PTPRT: variants seen among roughly 807,000 people sequenced by gnomAD.
The protein encoded by PTPRT is receptor-type tyrosine-protein phosphatase T.
Under a neutral mutation model 176.8 loss-of-function variants are expected in PTPRT, and 56 were observed. That is an observed-to-expected ratio of 0.32 (90% CI 0.26 to 0.40). The LOEUF (loss-of-function observed/expected upper bound fraction) is 0.40. PTPRT is among the 10% of genes least tolerant of loss of function. The pLI is 1.00. For synonymous variants in PTPRT, 783 were observed against 739.0 expected, an observed-to-expected ratio of 1.06 and a Z score of -0.96; for missense variants, 1,540 against 1,908.2, an observed-to-expected ratio of 0.81 and a Z score of 3.60.
At chr20:42,714,811 C>T (rs2076198985) in intron 6 of PTPRT, among the ~76,000 whole-genome samples, 3 of 152,176 alleles carry the variant, frequency 2.0e-5, no homozygotes. Context: ...GGGCTGCTGA[C>T]TCATCTGGAA....
chr20:42,186,468 T>G lies in PTPRT; in HGVS notation c.2491+12772A>C, dbSNP rs147486793. ...ATTGCTCTGTCTAGCAATAGCACAG[T>G]CAAAGGTCCTGTGGTAGAAGGAGTG... On this transcript the variant is annotated intron_variant, in intron 16 of 30. Transcript: ENST00000373187. Among the ~76,000 whole-genome samples the G allele has an allele frequency of 4.3e-3, 647 of 151,456 alleles. 2 individuals are homozygous for G. The highest frequency in any genetic ancestry group is 6.7e-3 in the Non-Finnish European group (454 of 67,800).
intron 2 of PTPRT, among the ~76,000 whole-genome samples, chr20:42,835,781 A>AT (rs1332299838): frequency 3.3e-5 from 5 of 152,076 alleles, no homozygotes; most frequent in African/African-American, 1.2e-4. Context: ...TATCTTAATA[A>AT]TCAACAGGGA....
At chr20:42,228,656 G>C (rs1359937601) in intron 15 of PTPRT, among the ~76,000 whole-genome samples, 1 of 152,178 alleles carries the variant, frequency 6.6e-6, no homozygotes, top group African/African-American at 2.4e-5. Context: ...CTAACTTCTA[G>C]AGAATAGAAT....
chr20:42,928,187 C>T (rs1449479564), intron 1 of PTPRT, among the ~76,000 whole-genome samples: 1 of 152,220 alleles, frequency 6.6e-6, no homozygotes, highest in Non-Finnish European at 1.5e-5. Flanking sequence ...TGGTTCCCTG[C>T]CCCAAATTTA....
chr20:42,654,426 G>A (rs2075087228), intron 7 of PTPRT, among the ~76,000 whole-genome samples: 1 of 152,150 alleles, frequency 6.6e-6, no homozygotes, highest in Non-Finnish European at 1.5e-5. Context: ...CAAGGAAGTA[G>A]CAACTGGCCA....
chr20:42,902,437 G>A (rs1055026847), intron 1 of PTPRT, among the ~76,000 whole-genome samples: 4 of 152,178 alleles, frequency 2.6e-5, no homozygotes, highest in African/African-American at 9.7e-5. Flanking sequence ...CAGCTCAGGA[G>A]AGACAGAAGC....
intron 1 of PTPRT, among the ~76,000 whole-genome samples, chr20:43,168,783 C>T (rs139770271): frequency 2.0e-5 from 3 of 152,278 alleles, no homozygotes; most frequent in Non-Finnish European, 4.4e-5. Context: ...TTTCCTCCTA[C>T]ATGCTCATCC....
Position 42,883,993 on chromosome 20 carries a change from A to G in PTPRT, c.214+1814T>C, listed in dbSNP as rs373632981. Reference sequence around the variant, plus strand: ...CACACACACGCATACACACACGTATACACACTATAAGATCCAGATTTATTG... The same window carrying G: ...CACACACACGCATACACACACGTATGCACACTATAAGATCCAGATTTATTG... On this transcript the variant is annotated intron_variant, in intron 2 of 30. Coordinates refer to ENST00000373187, the MANE Select transcript of PTPRT (RefSeq NM_007050.6). Among the ~76,000 whole-genome samples, 10 of 127,734 alleles carry G rather than the reference A, an allele frequency of 7.8e-5. No homozygotes were observed. The South Asian group carries it at 2.8e-3, about 36-fold the overall frequency. 83.8% of individuals were successfully genotyped at this position (127,734 alleles called of 152,430 possible).
chr20:42,050,988 C>G, the PTPRT span, among the ~76,000 whole-genome samples: 1 of 152,224 alleles, frequency 6.6e-6, no homozygotes, highest in African/African-American at 2.4e-5. Context: ...TCAGTGCCAC[C>G]TGGTGAGAAC....
chr20:42,592,410 C>T (rs2073595984), intron 7 of PTPRT, among the ~76,000 whole-genome samples: 1 of 152,122 alleles, frequency 6.6e-6, no homozygotes, highest in South Asian at 2.1e-4. Flanking sequence ...GAACACATTA[C>T]CAAAGATGCA....
intron 2 of PTPRT, among the ~76,000 whole-genome samples, chr20:42,792,975 T>C (rs2077398896): frequency 1.3e-5 from 2 of 152,186 alleles, no homozygotes; most frequent in Admixed American, 6.5e-5. Context: ...AATTAGACTT[T>C]CTGCATGTTT....
intron 4 of PTPRT, among the ~76,000 whole-genome samples, chr20:42,776,128 C>A (rs1037795311): frequency 2.0e-5 from 3 of 152,132 alleles, no homozygotes; most frequent in Non-Finnish European, 4.4e-5. Context: ...ATCTCCGATG[C>A]CTGACTCTTA....
intron 7 of PTPRT, among the ~76,000 whole-genome samples, chr20:42,542,663 T>C (rs2072604636): frequency 6.6e-6 from 1 of 152,220 alleles, no homozygotes; most frequent in South Asian, 2.1e-4. Flanking sequence ...ATTCTACTTC[T>C]AAGAATTTTT....
chr20:42,477,679 T>C (rs2071314677), intron 7 of PTPRT, among the ~76,000 whole-genome samples: 1 of 152,176 alleles, frequency 6.6e-6, no homozygotes, highest in South Asian at 2.1e-4. Context: ...GAGCCTATGG[T>C]TTCTGCCTCC....
rs775327567 is a variant in PTPRT, at chr20:42,315,928, C to A, written c.1934G>T (p.Cys645Phe). The part of the protein sequence containing the change: ...KSRRAADIIE[C>F]FSVPVSYRNA... Reference sequence around the variant, plus strand: ...CCGATAGCTCACGGGCACCGAAAAGCACTCAATAATGTCAGCTGCCCTCCG... The same window carrying A: ...CCGATAGCTCACGGGCACCGAAAAGAACTCAATAATGTCAGCTGCCCTCCG... The change falls in exon 12 of 31, where the codon TGC (cysteine) becomes TTC (phenylalanine). Residue 645 changes from cysteine to phenylalanine, a missense_variant. Around this residue, in one of 11 missense-constraint regions of PTPRT, gnomAD observed 81 missense variants for 89.9 expected, o/e 0.90. Coordinates refer to ENST00000373187, the MANE Select transcript of PTPRT (RefSeq NM_007050.6). 1 of 1,614,154 alleles carries A rather than the reference C, an allele frequency of 6.2e-7. No homozygotes were observed. The highest frequency in any genetic ancestry group is 1.1e-5 in the South Asian group (1 of 91,078).
intron 3 of PTPRT, among the ~76,000 whole-genome samples, chr20:42,789,391 G>C (rs781159017): frequency 6.6e-6 from 1 of 152,160 alleles, no homozygotes; most frequent in Non-Finnish European, 1.5e-5. Context: ...GATTATACTA[G>C]CTTAGACAGT....
chr20:42,137,156 C>A (rs1005574918), intron 18 of PTPRT, among the ~76,000 whole-genome samples: 1 of 152,138 alleles, frequency 6.6e-6, no homozygotes, highest in Non-Finnish European at 1.5e-5. Context: ...GGCAGGGTAC[C>A]AATGGTTTCT....
chr20:42,259,218 A>G (rs545675016), intron 13 of PTPRT, among the ~76,000 whole-genome samples: 18 of 151,958 alleles, frequency 1.2e-4, no homozygotes, highest in Admixed American at 4.6e-4. Flanking sequence ...GTCAAATTCT[A>G]GTTCAGTCAT....
At chr20:43,094,391 CTTTTTTTTTT>C (rs71335878) in intron 1 of PTPRT, among the ~76,000 whole-genome samples, 1 of 64,670 alleles carries the variant, frequency 1.5e-5, no homozygotes, top group South Asian at 5.6e-4. Context: ...CGGCCTCTTT[CTTTTTTTTTT>C]TTTTTTTTTT....
Sources: gnomAD v4.1 joint callset for allele counts (sites outside exome capture counted in the v4.1 genomes callset) on GRCh38, gnomAD v4.1.1 for gene constraint, gnomAD v4.1.1 regional missense constraint, MANE v1.5 for transcripts, NCBI Gene and HGNC (gene_info 2026-07-23, HGNC 2026-07-21) for gene names.